TOMM34: variants seen among roughly 807,000 people sequenced by gnomAD.
TOMM34 encodes mitochondrial import receptor subunit TOM34.
TOMM34 carries 24 observed loss-of-function variants against 37.4 expected under a neutral mutation model. The observed-to-expected ratio is 0.64, with a 90% CI of 0.46 to 0.90. The LOEUF is 0.90. Ranked by LOEUF, TOMM34 falls within the 40% of genes least tolerant of loss-of-function variation. The probability of loss-of-function intolerance (pLI) is 0.00; values close to 1 mark genes in which losing one functional copy is unlikely to be tolerated. For synonymous variants in TOMM34, 154 were observed against 148.9 expected (o/e 1.03, Z -0.25); for missense variants, 304 against 375.6 (o/e 0.81, Z 1.58).
chr20:44,943,109 T>C lies in TOMM34; in HGVS notation c.930A>G (p.Ter310=). The part of the protein sequence containing the change: ...LRQEVKQNLH[*] ...GGGTTCCAGTTGCCCTGTTGGGTTT[T>C]TAGTGTAGGTTCTGCTTCACTTCCT... Residue 310 remains the stop codon, a stop_retained_variant, in exon 7 of 7, where the codon TAA becomes TAG. Coordinates refer to ENST00000372813, the MANE Select transcript of TOMM34 (RefSeq NM_006809.5). The C allele has an allele frequency of 1.2e-6, 2 of 1,614,090 alleles. No homozygotes were observed. Among genetic ancestry groups the C allele is most frequent in the Non-Finnish European group, 1.7e-6 (2 of 1,180,022 alleles).
chr20:44,951,149 T>C (rs2067022664), intron 4 of TOMM34, among the ~76,000 whole-genome samples: 1 of 152,088 alleles, frequency 6.6e-6, no homozygotes, highest in Non-Finnish European at 1.5e-5. Flanking sequence ...AAGACCAGAA[T>C]AGATTGAGAA....
At chr20:44,950,620 T>C (rs1191494822) in intron 4 of TOMM34, among the ~76,000 whole-genome samples, 1 of 152,200 alleles carries the variant, frequency 6.6e-6, no homozygotes, top group Non-Finnish European at 1.5e-5. Flanking sequence ...ATTGAAAGAA[T>C]GAAATCAATG....
chr20:44,958,325 T>C (rs1483251856), intron 1 of TOMM34: 1 of 471,006 alleles, frequency 2.1e-6, no homozygotes, highest in East Asian at 7.0e-5. Context: ...TTTTCCCCTC[T>C]TGTTTTGCCA....
At chr20:44,956,573 G>A (rs2145607207) in intron 1 of TOMM34, 88 bp from the exon 2 acceptor site, 1 of 1,304,032 alleles carries the variant, frequency 7.7e-7, no homozygotes, top group South Asian at 1.2e-5. Context: ...AGCTCTTTGG[G>A]CCTTGTGTTA....
At chr20:44,945,639 G>T (rs1479656396) in intron 5 of TOMM34, among the ~76,000 whole-genome samples, 1 of 152,178 alleles carries the variant, frequency 6.6e-6, no homozygotes, top group Non-Finnish European at 1.5e-5. Context: ...CCATCACCCA[G>T]CCATTTGAGT....
chr20:44,946,127 G>C (rs1448637361), intron 5 of TOMM34, among the ~76,000 whole-genome samples: 6 of 152,126 alleles, frequency 3.9e-5, no homozygotes, highest in African/African-American at 1.4e-4. Context: ...CCAAAGTGCT[G>C]GGATTACAGG....
At position 44,942,952 on chromosome 20, in the gene TOMM34, CA is replaced by C; in HGVS notation, c.*156del. 1.5e-6 allele frequency: 1 copy of C among 659,218 alleles called. No homozygotes were observed. Among genetic ancestry groups the C allele is most frequent in the East Asian group, 2.7e-5 (1 of 36,846 alleles). The allele number at this position is 659,218 out of a possible 1,614,324, so 40.8% of individuals were successfully genotyped here. A position where few individuals can be genotyped will look rare whatever the true frequency, so the allele number is the denominator to read the frequency against. On this transcript the variant is annotated 3_prime_UTR_variant, in exon 7 of 7. Coordinates refer to ENST00000372813, the MANE Select transcript of TOMM34 (RefSeq NM_006809.5). The stretch of plus-strand genomic sequence containing the variant: ...CTACACTGAGTTTAATTTGAACAAG[CA>C]AAGCCTCTTACAGGGTGGGAGGCCA...
At chr20:44,958,305 A>G (rs59574506) in intron 1 of TOMM34, 5,386 of 468,870 alleles carry the variant, frequency 0.011, 214 homozygotes, top group African/African-American at 0.087. Flanking sequence ...AATACCAACA[A>G]TAACAAGCGT....
Position 44,942,933 on chromosome 20 carries a change from T to A in TOMM34, c.*176A>T. 1.6e-6 allele frequency: 1 copy of A among 627,020 alleles called. No individual in the cohort carries two copies. The highest frequency in any genetic ancestry group is 2.0e-5 in the South Asian group (1 of 51,156). The allele number at this position is 627,020 out of a possible 1,614,324, so 38.8% of individuals were successfully genotyped here. On this transcript the variant is annotated 3_prime_UTR_variant, in exon 7 of 7. Transcript: ENST00000372813. Reference sequence around the variant, plus strand: ...CAACCATGTCTGTGTTTGACTACACTGAGTTTAATTTGAACAAGCAAAGCC... The same window carrying A: ...CAACCATGTCTGTGTTTGACTACACAGAGTTTAATTTGAACAAGCAAAGCC...
At position 44,949,692 on chromosome 20, in the gene TOMM34, T is replaced by C. The variant is rs528264094; in HGVS notation, c.551-815A>G. 1.6e-4 allele frequency among the ~76,000 whole-genome samples: 25 copies of C among 152,354 alleles called. No homozygotes were observed. The South Asian group carries it at 2.9e-3, about 18-fold the overall frequency. Reference sequence around the variant, plus strand: ...ATTATAGGTTTACACCCTGAATTCATTGCCTGGTTTAAGAAAAAGAACATA... The same window carrying C: ...ATTATAGGTTTACACCCTGAATTCACTGCCTGGTTTAAGAAAAAGAACATA... On this transcript the variant is annotated intron_variant, in intron 4 of 6. Transcript: ENST00000372813.
At chr20:44,955,718 G>A in intron 2 of TOMM34, 1 of 441,518 alleles carries the variant, frequency 2.3e-6, no homozygotes, top group Non-Finnish European at 4.6e-6. Context: ...CTCAAAGAGG[G>A]AAATCTGGCA....
At chr20:44,959,177 A>C (rs1420238042) in intron 1 of TOMM34, 1 of 152,200 alleles carries the variant, frequency 6.6e-6, no homozygotes, top group East Asian at 1.9e-4. Context: ...GCACATGGTA[A>C]ATCACTCAAG....
chr20:44,946,626 C>T (rs1478240468), intron 5 of TOMM34, among the ~76,000 whole-genome samples: 1 of 152,116 alleles, frequency 6.6e-6, no homozygotes, highest in Non-Finnish European at 1.5e-5. Flanking sequence ...TCAGGGCTGG[C>T]AAGTTGTAGG....
chr20:44,958,187 A>G (rs1345919719), intron 1 of TOMM34: 2 of 360,644 alleles, frequency 5.5e-6, no homozygotes, highest in Non-Finnish European at 1.1e-5. Flanking sequence ...ATACCATTTT[A>G]TGTCTATTAA....
At chr20:44,953,205 C>A (rs1251121562) in intron 3 of TOMM34, among the ~76,000 whole-genome samples, 1 of 152,156 alleles carries the variant, frequency 6.6e-6, no homozygotes, top group Non-Finnish European at 1.5e-5. Context: ...ATACTGGACA[C>A]CCCTTGCCAT....
rs1343296299 is a variant in TOMM34 at position 44,942,242 on chromosome 20, G to C, written c.*867C>G. ...TTGATGTAGAAGAAAGCTTTTTAAT[G>C]CAACAGCTTAAACACACAGTTCAAC... On this transcript the variant is annotated 3_prime_UTR_variant, in exon 7 of 7. Coordinates refer to ENST00000372813, the MANE Select transcript of TOMM34 (RefSeq NM_006809.5). The C allele has an allele frequency of 6.6e-6, 1 of 152,238 alleles. No homozygotes were observed. Among genetic ancestry groups the C allele is most frequent in the South Asian group, 2.1e-4 (1 of 4,832 alleles). 9.4% of individuals were successfully genotyped at this position (152,238 alleles called of 1,614,324 possible). A position where few individuals can be genotyped will look rare whatever the true frequency, so the allele number is the denominator to read the frequency against.
rs973803995 is a variant in TOMM34 at position 44,942,857 on chromosome 20, G to A, written c.*252C>T. On this transcript the variant is annotated 3_prime_UTR_variant, in exon 7 of 7. Coordinates refer to ENST00000372813, the MANE Select transcript of TOMM34 (RefSeq NM_006809.5). The stretch of plus-strand genomic sequence containing the variant: ...CAGCTAGCTGGGCTGGGGGAATAGG[G>A]ACAGAGCTTCAGCTTCACGCTTAGC... 41 of 564,780 alleles carry A rather than the reference G, an allele frequency of 7.3e-5. 1 individual carries two copies. The Middle Eastern group carries it at 2.8e-3, about 39-fold the overall frequency. The allele number at this position is 564,780 out of a possible 1,614,324, so 35.0% of individuals were successfully genotyped here.
chr20:44,955,047 C>T (rs200263518), intron 3 of TOMM34, 21 bp downstream of exon 3: 7 of 1,613,072 alleles, frequency 4.3e-6, no homozygotes, highest in Non-Finnish European at 5.1e-6. Flanking sequence ...GTGGAGACCA[C>T]CTGCTGGGAA....
chr20:44,947,092 T>C (rs1425510187), intron 5 of TOMM34, among the ~76,000 whole-genome samples: 1 of 152,170 alleles, frequency 6.6e-6, no homozygotes, highest in Non-Finnish European at 1.5e-5. Context: ...AATGAGTTAA[T>C]GGAGGTGTCC....
Sources: allele counts gnomAD v4.1 joint callset (sites outside exome capture counted in the v4.1 genomes callset), GRCh38; gene constraint gnomAD v4.1.1; transcripts MANE v1.5; gene names NCBI Gene and HGNC (gene_info 2026-07-23, HGNC 2026-07-21).